CCDC192: variants seen among roughly 807,000 people sequenced by gnomAD.
The protein encoded by CCDC192 is coiled-coil domain-containing protein 192.
At chr5:127,901,108 T>C (rs1362364137) in intron 6 of CCDC192, among the ~76,000 whole-genome samples, 3 of 152,208 alleles carry the variant, frequency 2.0e-5, no homozygotes, top group Non-Finnish European at 2.9e-5. Context: ...TAAATTATAA[T>C]CAATTTTATC....
At chr5:127,861,658 A>G (rs1003306524) in intron 5 of CCDC192, among the ~76,000 whole-genome samples, 1 of 152,118 alleles carries the variant, frequency 6.6e-6, no homozygotes, top group African/African-American at 2.4e-5. Flanking sequence ...CTTCTCAAAA[A>G]AAAATTTTTT....
intron 5 of CCDC192, among the ~76,000 whole-genome samples, chr5:127,834,102 C>G (rs994305746): frequency 7.2e-4 from 109 of 152,066 alleles, no homozygotes; most frequent in Admixed American, 2.9e-3. Flanking sequence ...TGTTCTTACT[C>G]CCCTCTCTGC....
chr5:127,762,201 T>C (rs1754970703), intron 3 of CCDC192, among the ~76,000 whole-genome samples: 1 of 152,200 alleles, frequency 6.6e-6, no homozygotes, highest in Non-Finnish European at 1.5e-5. Context: ...ATCATGAGTT[T>C]TGTGAATGAG....
At chr5:127,796,304 GA>G (rs1369182993) in intron 3 of CCDC192, among the ~76,000 whole-genome samples, 5 of 152,164 alleles carry the variant, frequency 3.3e-5, no homozygotes, top group Admixed American at 2.0e-4. Flanking sequence ...TCAGAGTAAT[GA>G]AAAAGAAATG....
At chr5:127,760,094 CT>C (rs1369854896) in intron 3 of CCDC192, among the ~76,000 whole-genome samples, 1 of 151,824 alleles carries the variant, frequency 6.6e-6, no homozygotes, top group African/African-American at 2.4e-5. Flanking sequence ...TATGAGAAAA[CT>C]TTTTAAAGTT....
chr5:127,762,725 TC>T (rs1284552933), intron 3 of CCDC192, among the ~76,000 whole-genome samples: 1 of 152,214 alleles, frequency 6.6e-6, no homozygotes, highest in Non-Finnish European at 1.5e-5. Flanking sequence ...GCAAAAAGCC[TC>T]ATGCCTTAAG....
At chr5:127,829,819 G>A (rs910324131) in intron 5 of CCDC192, among the ~76,000 whole-genome samples, 1 of 152,026 alleles carries the variant, frequency 6.6e-6, no homozygotes, top group African/African-American at 2.4e-5. Context: ...CCCAACTGTA[G>A]CCCCCACAAC....
In CCDC192 at chr5:127,869,674, T is replaced by G. The variant is rs111527566; in HGVS notation, c.412-5864T>G. ...ATGCCACTTCTGTATCTAATAACTA[T>G]TTATTTATCCTACAGAGGGAAAAAA... On this transcript the variant is annotated intron_variant, in intron 5 of 6. Coordinates refer to ENST00000514853, the MANE Select transcript of CCDC192 (RefSeq NM_001317938.2). Among the ~76,000 whole-genome samples, 344 of 149,284 alleles carry G rather than the reference T, an allele frequency of 2.3e-3. 1 individual carries two copies. Among genetic ancestry groups the G allele is most frequent in the South Asian group, 6.0e-3 (29 of 4,816 alleles).
At chr5:127,921,250 G>T (rs1753712671) in intron 6 of CCDC192, among the ~76,000 whole-genome samples, 1 of 150,992 alleles carries the variant, frequency 6.6e-6, no homozygotes, top group Non-Finnish European at 1.5e-5. Context: ...AAGAAGGAAG[G>T]GTAGGAAGGT....
At chr5:127,748,824 A>T (rs1299520762) in intron 2 of CCDC192, among the ~76,000 whole-genome samples, 1 of 148,048 alleles carries the variant, frequency 6.8e-6, no homozygotes. Context: ...GGTCCTTCAC[A>T]TCCCTTGTAA....
chr5:127,858,869 A>G (rs2127099951), intron 5 of CCDC192, among the ~76,000 whole-genome samples: 1 of 152,346 alleles, frequency 6.6e-6, no homozygotes, highest in South Asian at 2.1e-4. Flanking sequence ...GGCAAGAAAA[A>G]CAGTACAATA....
chr5:127,727,340 C>T (rs977231213), intron 2 of CCDC192, among the ~76,000 whole-genome samples: 3 of 152,092 alleles, frequency 2.0e-5, no homozygotes, highest in East Asian at 3.9e-4. Flanking sequence ...GGCATGGTGG[C>T]GCATGCCTGC....
At chr5:127,721,219 C>T (rs1013894526) in intron 2 of CCDC192, among the ~76,000 whole-genome samples, 4 of 152,200 alleles carry the variant, frequency 2.6e-5, no homozygotes, top group Non-Finnish European at 1.5e-5. Context: ...TTTCTTTGCT[C>T]ATGCATATGA....
intron 5 of CCDC192, among the ~76,000 whole-genome samples, chr5:127,848,040 C>T (rs1347648710): frequency 6.6e-6 from 1 of 151,992 alleles, no homozygotes; most frequent in East Asian, 2.0e-4. Context: ...TCAAGTGATT[C>T]GCCTGCCTCA....
intron 5 of CCDC192, among the ~76,000 whole-genome samples, chr5:127,804,334 C>T (rs1288226640): frequency 6.6e-6 from 1 of 152,190 alleles, no homozygotes; most frequent in Non-Finnish European, 1.5e-5. Context: ...CAGGGCCTGT[C>T]ATTCAAAGAA....
chr5:127,800,685 C>G (rs1404372277), intron 5 of CCDC192, among the ~76,000 whole-genome samples: 1 of 152,142 alleles, frequency 6.6e-6, no homozygotes, highest in African/African-American at 2.4e-5. Flanking sequence ...GTTATTATCT[C>G]TTAAATATGT....
intron 6 of CCDC192, among the ~76,000 whole-genome samples, chr5:127,938,401 G>A (rs1286955984): frequency 6.6e-6 from 1 of 152,172 alleles, no homozygotes; most frequent in Non-Finnish European, 1.5e-5. Flanking sequence ...TTGAGGACCA[G>A]AGATCCTCCC....
intron 5 of CCDC192, among the ~76,000 whole-genome samples, chr5:127,824,563 A>G (rs938677296): frequency 5.3e-5 from 8 of 152,198 alleles, no homozygotes; most frequent in Non-Finnish European, 1.5e-5. Context: ...GTGCTTTCTG[A>G]GCACTTTTTG....
chr5:127,715,094 T>A (rs1273442632), intron 2 of CCDC192, among the ~76,000 whole-genome samples: 2 of 152,188 alleles, frequency 1.3e-5, no homozygotes, highest in South Asian at 2.1e-4. Flanking sequence ...CTATATTGAT[T>A]ACTTCCTTTG....
Sources: gnomAD v4.1 joint callset for allele counts (sites outside exome capture counted in the v4.1 genomes callset) on GRCh38, gnomAD v4.1.1 for gene constraint, MANE v1.5 for transcripts, NCBI Gene and HGNC (gene_info 2026-07-23, HGNC 2026-07-21) for gene names.